SMYD3: variants seen among roughly 807,000 people sequenced by gnomAD.
SMYD3 encodes histone-lysine N-methyltransferase SMYD3.
A neutral mutation model predicts 57.7 loss-of-function variants in SMYD3; 36 were observed. That is an observed-to-expected ratio of 0.62 (90% confidence interval 0.48 to 0.82). The LOEUF is 0.82. SMYD3 is among the 40% of genes least tolerant of loss of function. The pLI is 0.00. For synonymous variants in SMYD3, 211 were observed against 195.0 expected, an observed-to-expected ratio of 1.08 and a Z score of -0.68; for missense variants, 515 against 538.8, an observed-to-expected ratio of 0.96 and a Z score of 0.44.
intron 5 of SMYD3, among the ~76,000 whole-genome samples, chr1:246,273,135 C>CTTTTTTTTTTGTTTTT (rs2064253943): frequency 9.3e-6 from 1 of 107,608 alleles, no homozygotes; most frequent in African/African-American, 3.7e-5. Context: ...TCCCTGTTTT[C>CTTTTTTTTTTGTTTTT]TTTTTTTTTT....
chr1:245,848,384 T>G (rs180891501), intron 10 of SMYD3, among the ~76,000 whole-genome samples: 2 of 152,186 alleles, frequency 1.3e-5, no homozygotes, highest in East Asian at 1.9e-4. Flanking sequence ...CCTCCCAAAG[T>G]GCTAAGGCCT....
At chr1:245,870,407 G>C (rs2052118918) in intron 8 of SMYD3, among the ~76,000 whole-genome samples, 1 of 152,118 alleles carries the variant, frequency 6.6e-6, no homozygotes, top group Admixed American at 6.5e-5. Flanking sequence ...TCGCGTCAAG[G>C]GTTATTTGGG....
chr1:245,940,567 A>AAACAG (rs1393771772), intron 5 of SMYD3, among the ~76,000 whole-genome samples: 1 of 151,664 alleles, frequency 6.6e-6, no homozygotes, highest in Non-Finnish European at 1.5e-5. Flanking sequence ...ACTGTTAAAA[A>AAACAG]AACAAAACAA....
chr1:246,390,362 A>C (rs1025102970), intron 1 of SMYD3, among the ~76,000 whole-genome samples: 19 of 152,072 alleles, frequency 1.2e-4, no homozygotes, highest in African/African-American at 4.6e-4. Flanking sequence ...TAAGGTAAAA[A>C]CCATTATTCA....
chr1:246,212,884 T>C (rs2063111595), intron 5 of SMYD3, among the ~76,000 whole-genome samples: 2 of 152,158 alleles, frequency 1.3e-5, no homozygotes, highest in Admixed American at 1.3e-4. Context: ...CAGGACGTTC[T>C]TGGGTTATGA....
intron 5 of SMYD3, among the ~76,000 whole-genome samples, chr1:246,042,887 A>G (rs2059902095): frequency 6.6e-6 from 1 of 151,924 alleles, no homozygotes; most frequent in Non-Finnish European, 1.5e-5. Context: ...TTAATTTTTT[A>G]CTCATTTTGT....
intron 10 of SMYD3, among the ~76,000 whole-genome samples, chr1:245,788,568 T>C (rs1445859438): frequency 6.6e-6 from 1 of 152,154 alleles, no homozygotes; most frequent in Non-Finnish European, 1.5e-5. Context: ...TTAAAGATGA[T>C]GAAATAGCCT....
intron 10 of SMYD3, among the ~76,000 whole-genome samples, chr1:245,842,399 A>T (rs2050448343): frequency 6.6e-6 from 1 of 151,806 alleles, no homozygotes; most frequent in Admixed American, 6.6e-5. Context: ...AAGCCATTTT[A>T]CTTAACCTAG....
At chr1:246,291,217 T>C (rs924775747) in intron 5 of SMYD3, among the ~76,000 whole-genome samples, 2 of 152,230 alleles carry the variant, frequency 1.3e-5, no homozygotes, top group Non-Finnish European at 2.9e-5. Context: ...CTGGTTTCTT[T>C]CCCGACTACT....
rs764904427 is a variant in SMYD3 at position 246,507,251 on chromosome 1, C to G, written c.-34G>C. On this transcript the variant is annotated 5_prime_UTR_variant, in exon 1 of 12. Coordinates refer to ENST00000490107, the MANE Select transcript of SMYD3 (RefSeq NM_001167740.2). ...AGCTCCGGCACCTCAGACGGCTACC[C>G]GCGTCCAGCAGCGGGCGTCTCACGG... The G allele has an allele frequency of 3.2e-5, 47 of 1,468,228 alleles. No individual in the cohort carries two copies. Among genetic ancestry groups the G allele is most frequent in the Non-Finnish European group, 3.9e-5 (43 of 1,103,062 alleles). The allele number at this position is 1,468,228 out of a possible 1,614,324, so 91.0% of individuals were successfully genotyped here. A position where few individuals can be genotyped will look rare whatever the true frequency, so the allele number is the denominator to read the frequency against.
intron 10 of SMYD3, among the ~76,000 whole-genome samples, chr1:245,818,430 C>G (rs2048975350): frequency 1.3e-5 from 2 of 152,152 alleles, no homozygotes; most frequent in African/African-American, 4.8e-5. Flanking sequence ...GTACCAGCCA[C>G]TGCAAAATCA....
intron 5 of SMYD3, among the ~76,000 whole-genome samples, chr1:246,142,455 C>T (rs1280822136): frequency 4.6e-5 from 7 of 151,982 alleles, no homozygotes; most frequent in Non-Finnish European, 2.9e-5. Context: ...GCTAGTCTTG[C>T]ACTTTGGGAG....
rs139695616 is a variant in SMYD3, at chr1:246,220,657, G to A, written c.531+106544C>T. 6.7e-3 allele frequency among the ~76,000 whole-genome samples: 1,014 copies of A among 152,298 alleles called. 19 individuals are homozygous for A. Among genetic ancestry groups the A allele is most frequent in the African/African-American group, 0.022 (924 of 41,542 alleles). On this transcript the variant is annotated intron_variant, in intron 5 of 11. Transcript: ENST00000490107. ...AGGCAGGCAGGTTCCTGGGCGGATG[G>A]GGCCTGGTCACCAGTGAGGCCCCAT...
At chr1:245,818,546 A>G (rs1423841283) in intron 10 of SMYD3, among the ~76,000 whole-genome samples, 2 of 152,164 alleles carry the variant, frequency 1.3e-5, no homozygotes, top group African/African-American at 4.8e-5. Flanking sequence ...ACATAACAAT[A>G]TTAACTTTAA....
intron 10 of SMYD3, among the ~76,000 whole-genome samples, chr1:245,858,159 C>G (rs1001843382): frequency 6.6e-6 from 1 of 152,170 alleles, no homozygotes; most frequent in African/African-American, 2.4e-5. Flanking sequence ...TCTGAGCCTG[C>G]GTTCCTCTAC....
At chr1:245,752,096 A>G (rs1419361115) in intron 11 of SMYD3, among the ~76,000 whole-genome samples, 2 of 152,178 alleles carry the variant, frequency 1.3e-5, no homozygotes, top group African/African-American at 4.8e-5. Flanking sequence ...GCGGAAAGAG[A>G]AGGTTTCTCA....
chr1:246,195,922 G>C (rs1448332287), intron 5 of SMYD3, among the ~76,000 whole-genome samples: 1 of 152,126 alleles, frequency 6.6e-6, no homozygotes, highest in Non-Finnish European at 1.5e-5. Flanking sequence ...TGTGATAATA[G>C]GCTGCCTTTC....
At chr1:245,968,343 C>T (rs1360034923) in intron 5 of SMYD3, among the ~76,000 whole-genome samples, 2 of 152,056 alleles carry the variant, frequency 1.3e-5, no homozygotes, top group Non-Finnish European at 1.5e-5. Flanking sequence ...TAAGCTGCAG[C>T]GTTCTCACCT....
chr1:245,879,396 G>A (rs1283157165), intron 8 of SMYD3, among the ~76,000 whole-genome samples: 1 of 152,326 alleles, frequency 6.6e-6, no homozygotes, highest in South Asian at 2.1e-4. Flanking sequence ...CAGAAGAGAT[G>A]GGGAGTAGGC....
Sources: allele counts gnomAD v4.1 joint callset (sites outside exome capture counted in the v4.1 genomes callset), GRCh38; gene constraint gnomAD v4.1.1; transcripts MANE v1.5; gene names NCBI Gene and HGNC (gene_info 2026-07-23, HGNC 2026-07-21).